CLVS1: variants seen among roughly 807,000 people sequenced by gnomAD.
CLVS1 encodes the protein clavesin-1.
In CLVS1, 10 loss-of-function variants were observed where a neutral mutation model predicts 33.1. The observed-to-expected ratio is 0.30, with a 90% CI of 0.19 to 0.51. The LOEUF (loss-of-function observed/expected upper bound fraction) is 0.51. Among genes scored for constraint, CLVS1 ranks in the 20% least tolerant of loss-of-function variants. The pLI is 0.97. For synonymous variants in CLVS1, 163 were observed against 166.1 expected, an observed-to-expected ratio of 0.98 and a Z score of 0.14; for missense variants, 343 against 433.4, an observed-to-expected ratio of 0.79 and a Z score of 1.85.
chr8:60,967,837 C>T, the CLVS1 span: 3 of 351,146 alleles, frequency 8.5e-6, no homozygotes, highest in Admixed American at 1.2e-4. Flanking sequence ...TATCCACGGA[C>T]CAATGAGAGC....
At chr8:60,980,367 T>A in the CLVS1 span, among the ~76,000 whole-genome samples, 2 of 152,250 alleles carry the variant, frequency 1.3e-5, no homozygotes, top group Non-Finnish European at 2.9e-5. Flanking sequence ...TATGTCTCTA[T>A]GTCATAAGAC....
intron 5 of CLVS1, among the ~76,000 whole-genome samples, chr8:61,480,572 T>G (rs1054071730): frequency 4.6e-5 from 7 of 152,032 alleles, no homozygotes; most frequent in African/African-American, 1.7e-4. Context: ...TCATGCATGG[T>G]GTGCTGCACC....
chr8:61,417,834 G>A (rs140538271), intron 3 of CLVS1, among the ~76,000 whole-genome samples: 4 of 152,290 alleles, frequency 2.6e-5, no homozygotes, highest in Non-Finnish European at 5.9e-5. Flanking sequence ...TTCAGAAGGA[G>A]AAACCTTGAA....
At chr8:61,184,220 G>T (rs990723258) in intron 2 of CLVS1, among the ~76,000 whole-genome samples, 2 of 152,194 alleles carry the variant, frequency 1.3e-5, no homozygotes, top group East Asian at 1.9e-4. Context: ...CCTCTTCCTC[G>T]CATGGAGAGC....
At chr8:61,356,195 G>GGCT in intron 2 of CLVS1, among the ~76,000 whole-genome samples, 1 of 151,902 alleles carries the variant, frequency 6.6e-6, no homozygotes, top group East Asian at 1.9e-4. Flanking sequence ...TGTGTTTTTT[G>GGCT]GCTGCATAAA....
At chr8:61,346,107 A>G (rs1812211990) in intron 2 of CLVS1, among the ~76,000 whole-genome samples, 2 of 152,248 alleles carry the variant, frequency 1.3e-5, no homozygotes, top group Admixed American at 6.5e-5. Flanking sequence ...AAGTAAATAA[A>G]TAAATGAACT....
chr8:61,299,740 A>G lies in CLVS1; in HGVS notation c.-88A>G. On this transcript the variant is annotated 5_prime_UTR_variant, in exon 2 of 6. The change abolishes the stop of an existing upstream ORF in the 5' untranslated region. Coordinates refer to ENST00000325897, the MANE Select transcript of CLVS1 (RefSeq NM_173519.3). ...CACCACCACATAGGGCCTGAATGTG[A>G]AAGAAGACCCTCTATTTGTCTGTTC... The G allele has an allele frequency of 4.1e-6, 4 of 974,024 alleles. No individual in the cohort carries two copies. Among genetic ancestry groups the G allele is most frequent in the Non-Finnish European group, 6.1e-6 (4 of 652,786 alleles). The allele number at this position is 974,024 out of a possible 1,614,324, so 60.3% of individuals were successfully genotyped here.
At chr8:61,151,708 C>A (rs1447421190) in intron 2 of CLVS1, among the ~76,000 whole-genome samples, 4 of 152,132 alleles carry the variant, frequency 2.6e-5, no homozygotes, top group African/African-American at 9.7e-5. Flanking sequence ...TCAAGAGGGA[C>A]CCTGCTGGTT....
At chr8:61,125,046 T>C (rs1805944616) in intron 1 of CLVS1, among the ~76,000 whole-genome samples, 1 of 152,178 alleles carries the variant, frequency 6.6e-6, no homozygotes, top group Non-Finnish European at 1.5e-5. Context: ...GAGAGACATT[T>C]CATCCTGTCT....
chr8:61,359,056 C>G (rs536870143), intron 2 of CLVS1, among the ~76,000 whole-genome samples: 1 of 152,106 alleles, frequency 6.6e-6, no homozygotes, highest in Non-Finnish European at 1.5e-5. Context: ...CTGAAATTAT[C>G]TTGTTGATAC....
chr8:61,439,265 C>G (rs1563553764), intron 3 of CLVS1, among the ~76,000 whole-genome samples: 1 of 152,244 alleles, frequency 6.6e-6, no homozygotes, highest in Non-Finnish European at 1.5e-5. Flanking sequence ...GAGCAATCAT[C>G]ATCTGTTAAC....
chr8:61,305,345 C>G (rs1205438060), intron 2 of CLVS1, among the ~76,000 whole-genome samples: 1 of 151,984 alleles, frequency 6.6e-6, no homozygotes, highest in African/African-American at 2.4e-5. Context: ...TCCCCTTCCC[C>G]TCTCTGATTA....
At chr8:61,119,275 T>A (rs1233869245) in intron 1 of CLVS1, among the ~76,000 whole-genome samples, 1 of 152,014 alleles carries the variant, frequency 6.6e-6, no homozygotes, top group African/African-American at 2.4e-5. Context: ...TCTCTGCACG[T>A]GAGATGGGTT....
chr8:61,291,335 C>T (rs915875443), intron 1 of CLVS1, among the ~76,000 whole-genome samples: 3 of 152,158 alleles, frequency 2.0e-5, no homozygotes, highest in African/African-American at 7.2e-5. Context: ...TTGAGATGAT[C>T]TGTTCTTGTT....
intron 1 of CLVS1, among the ~76,000 whole-genome samples, chr8:61,063,416 G>A (rs1804621823): frequency 6.6e-6 from 1 of 152,162 alleles, no homozygotes; most frequent in African/African-American, 2.4e-5. Flanking sequence ...CAGCTGGAGG[G>A]TGGTGTTGAG....
chr8:61,429,064 T>G (rs1816008725), intron 3 of CLVS1, among the ~76,000 whole-genome samples: 1 of 152,238 alleles, frequency 6.6e-6, no homozygotes, highest in East Asian at 1.9e-4. Context: ...AGAAGTCCCA[T>G]ATCAGGGCGC....
At chr8:61,479,637 C>A (rs1229504940) in intron 5 of CLVS1, among the ~76,000 whole-genome samples, 3 of 152,206 alleles carry the variant, frequency 2.0e-5, no homozygotes, top group Non-Finnish European at 4.4e-5. Flanking sequence ...GAGCTGCATT[C>A]CTTTGGAGGA....
chr8:61,492,732 GT>G (rs1804138135), intron 5 of CLVS1, among the ~76,000 whole-genome samples: 1 of 152,058 alleles, frequency 6.6e-6, no homozygotes, highest in African/African-American at 2.4e-5. Flanking sequence ...TCAGTAAATT[GT>G]GGAAAATTTT....
chr8:61,091,762 T>C (rs935704188), intron 1 of CLVS1, among the ~76,000 whole-genome samples: 10 of 152,182 alleles, frequency 6.6e-5, no homozygotes, highest in Non-Finnish European at 1.5e-5. Flanking sequence ...CTTAAGGCCT[T>C]TTTAGGAAAA....
Sources: allele counts gnomAD v4.1 joint callset (sites outside exome capture counted in the v4.1 genomes callset), GRCh38; gene constraint gnomAD v4.1.1; transcripts MANE v1.5; gene names NCBI Gene and HGNC (gene_info 2026-07-23, HGNC 2026-07-21).